Variants in DNM2 observed in about 807,000 individuals in gnomAD.
DNM2 encodes the protein dynamin-2.
In DNM2, 15 loss-of-function variants were observed where a neutral mutation model predicts 99.0. That is an observed-to-expected ratio of 0.15 (90% CI 0.10 to 0.23). The LOEUF (loss-of-function observed/expected upper bound fraction) is 0.23. Among genes scored for constraint, DNM2 ranks in the 10% least tolerant of loss-of-function variants. DNM2 has a pLI of 1.00. For synonymous variants in DNM2, 525 were observed against 481.2 expected (o/e 1.09, Z -1.19); for missense variants, 742 against 1,189.4 (o/e 0.62, Z 5.53).
chr19:10,786,385 G>A (rs1024710004), intron 6 of DNM2, 179 bp from the exon 7 acceptor site: 26 of 1,055,300 alleles, frequency 2.5e-5, no homozygotes, highest in Non-Finnish European at 2.8e-5. Context: ...TGCCGTCTCC[G>A]TTCCCAGACA....
Position 10,817,652 on chromosome 19 carries a change from G to A in DNM2, c.1672-2328G>A, listed in dbSNP as rs1031517446. ...GACGTGGCAAGGCTGGGGCCGGCTC[G>A]CATCTGGAGAAAGTTCTGGGTTTTC... On this transcript the variant is annotated intron_variant, in intron 15 of 20. Coordinates refer to ENST00000389253, the MANE Select transcript of DNM2 (RefSeq NM_001005361.3). This position sits in a 1 kb window ranked among gnomAD's most constrained non-coding sequence, Gnocchi z 4.6. Among the ~76,000 whole-genome samples, 7 of 151,796 alleles carry A rather than the reference G, an allele frequency of 4.6e-5. No individual in the cohort carries two copies. The highest frequency in any genetic ancestry group is 1.5e-4 in the African/African-American group (6 of 41,304).
chr19:10,770,206 G>T (rs144745803), intron 2 of DNM2, among the ~76,000 whole-genome samples: 18 of 152,314 alleles, frequency 1.2e-4, no homozygotes, highest in African/African-American at 4.3e-4. Flanking sequence ...ACCTGGCTGG[G>T]TGTTCATCTC....
At chr19:10,828,665 G>A (rs2073230404) in intron 18 of DNM2, among the ~76,000 whole-genome samples, 1 of 152,014 alleles carries the variant, frequency 6.6e-6, no homozygotes, top group African/African-American at 2.4e-5. Flanking sequence ...GCTAAAACAG[G>A]AGAAAAGACA....
intron 1 of DNM2, among the ~76,000 whole-genome samples, chr19:10,724,557 C>T (rs945489814): frequency 3.9e-5 from 6 of 152,258 alleles, no homozygotes; most frequent in South Asian, 2.1e-4. Context: ...CCCCTGGAGA[C>T]GGGAAGAGAA....
Position 10,808,658 on chromosome 19 carries a change from C to T in DNM2, c.1557+78C>T, listed in dbSNP as rs1261041798. ...AGACCCCGCCCACCCCTAATATTCC[C>T]TGTTCCCCATCCCCTCCAAATAACA... On this transcript the variant is annotated intron_variant, in intron 14 of 20. Transcript: ENST00000389253. 2.0e-6 allele frequency: 3 copies of T among 1,505,388 alleles called. No homozygotes were observed. In the Admixed American group the frequency reaches 5.7e-5, roughly 29 times the overall value. The allele number at this position is 1,505,388 out of a possible 1,614,324, so 93.3% of individuals were successfully genotyped here.
At position 10,812,347 on chromosome 19, in the gene DNM2, C is replaced by T. The variant is rs538253489; in HGVS notation, c.1641C>T (p.Ala547=). The T allele has an allele frequency of 1.2e-5, 20 of 1,610,016 alleles. No individual in the cohort carries two copies. Among genetic ancestry groups the T allele is most frequent in the Middle Eastern group, 1.7e-4 (1 of 6,056 alleles). The change falls in exon 15 of 21, where the codon GCC becomes GCT. Residue 547 remains alanine (A), a synonymous_variant. Coordinates refer to ENST00000389253, the MANE Select transcript of DNM2 (RefSeq NM_001005361.3). The surrounding 1 kb of genome is among the most constrained non-coding windows in gnomAD (Gnocchi z 4.0). ...GSKEYWFVLT[A]ESLSWYKDEE... ...AGGAGTACTGGTTTGTGCTGACTGC[C>T]GAGTCACTGTCCTGGTACAAGGATG...
chr19:10,808,524 G>A (rs759293798), intron 13 of DNM2, 45 bp from the exon 14 acceptor site: 19 of 1,605,412 alleles, frequency 1.2e-5, no homozygotes, highest in Non-Finnish European at 1.5e-5. Flanking sequence ...TCCTTTGCCT[G>A]CTCTTCCCTG....
In DNM2 at chr19:10,773,930, A is replaced by G. The variant is rs571378344; in HGVS notation, c.385+1302A>G. Among the ~76,000 whole-genome samples, 5 of 151,894 alleles carry G rather than the reference A, an allele frequency of 3.3e-5. No individual in the cohort carries two copies. In the East Asian group the frequency reaches 7.7e-4, roughly 24 times the overall value. On this transcript the variant is annotated intron_variant, in intron 3 of 20. Coordinates refer to ENST00000389253, the MANE Select transcript of DNM2 (RefSeq NM_001005361.3). Reference sequence around the variant, plus strand: ...CCCAGCCAAATATCCTGATTTTAAAACTCTGCATTCAAACAGCAGCCCGGG... The same window carrying G: ...CCCAGCCAAATATCCTGATTTTAAAGCTCTGCATTCAAACAGCAGCCCGGG...
At chr19:10,723,500 T>C (rs1568261948) in intron 1 of DNM2, among the ~76,000 whole-genome samples, 1 of 152,146 alleles carries the variant, frequency 6.6e-6, no homozygotes, top group African/African-American at 2.4e-5. Context: ...ACTCCTGACC[T>C]CAAGTGATCT....
intron 11 of DNM2, among the ~76,000 whole-genome samples, chr19:10,801,670 G>T (rs1363662514): frequency 6.6e-6 from 1 of 150,942 alleles, no homozygotes; most frequent in East Asian, 1.9e-4. Flanking sequence ...ACTTTGAGAG[G>T]CCGAGGCGGG....
chr19:10,808,911 A>C (rs1361698005), intron 14 of DNM2: 3 of 308,612 alleles, frequency 9.7e-6, no homozygotes, highest in Non-Finnish European at 1.8e-5. Flanking sequence ...GCTGTGGAAG[A>C]TCTCGCTTAA....
chr19:10,792,973 A>T (rs886675446), intron 7 of DNM2, among the ~76,000 whole-genome samples: 5 of 152,088 alleles, frequency 3.3e-5, no homozygotes, highest in Non-Finnish European at 5.9e-5. Flanking sequence ...GAACTCCCAG[A>T]CTAAAGCCAT....
At chr19:10,754,500 C>G (rs1464388637) in intron 1 of DNM2, among the ~76,000 whole-genome samples, 1 of 152,134 alleles carries the variant, frequency 6.6e-6, no homozygotes, top group Non-Finnish European at 1.5e-5. Flanking sequence ...ATCTGCCCGC[C>G]TCAGCCTCCC....
rs1477458903 is a variant in DNM2, at chr19:10,786,602, A to G, written c.888A>G (p.Leu296=). 6 of 1,614,032 alleles carry G rather than the reference A, an allele frequency of 3.7e-6. No homozygotes were observed. Among genetic ancestry groups the G allele is most frequent in the Admixed American group, 1.7e-5 (1 of 59,984 alleles). The change falls in exon 7 of 21, where the codon CTA becomes CTG. Residue 296 remains leucine (L), a synonymous_variant. Coordinates refer to ENST00000389253, the MANE Select transcript of DNM2 (RefSeq NM_001005361.3). ...TNHIRESLPA[L]RSKLQSQLLS... The stretch of plus-strand genomic sequence containing the variant: ...ACATCCGGGAGTCGCTGCCGGCCCT[A>G]CGTAGCAAACTACAGAGCCAGCTGC...
chr19:10,805,480 C>T (rs183257982), intron 12 of DNM2, among the ~76,000 whole-genome samples: 1 of 152,094 alleles, frequency 6.6e-6, no homozygotes, highest in African/African-American at 2.4e-5. Context: ...TACAAAAAAT[C>T]AAAAATTAGC....
chr19:10,807,592 A>T, intron 13 of DNM2, among the ~76,000 whole-genome samples: 1 of 121,468 alleles, frequency 8.2e-6, no homozygotes, highest in African/African-American at 3.2e-5. Context: ...TCTGCCACCA[A>T]GGCTGGAGTG....
chr19:10,769,641 T>C (rs559320289), intron 2 of DNM2, among the ~76,000 whole-genome samples: 1 of 152,232 alleles, frequency 6.6e-6, no homozygotes, highest in East Asian at 1.9e-4. Flanking sequence ...GGTTGGGAGC[T>C]GTTCCATTTT....
In DNM2 at chr19:10,823,720, C is replaced by A. The variant is rs1038996453; in HGVS notation, c.1782-68C>A. The A allele has an allele frequency of 1.4e-5, 21 of 1,503,436 alleles. No homozygotes were observed. The Admixed American group carries it at 3.3e-4, about 24-fold the overall frequency. 93.1% of individuals were successfully genotyped at this position (1,503,436 alleles called of 1,614,324 possible). A position where few individuals can be genotyped will look rare whatever the true frequency, so the allele number is the denominator to read the frequency against. Reference sequence around the variant, plus strand: ...GTCAGAAAGACCCCTAGAGCCCATTCCTCTCGGCAGTCTGCCAGACCCATG... The same window carrying A: ...GTCAGAAAGACCCCTAGAGCCCATTACTCTCGGCAGTCTGCCAGACCCATG... On this transcript the variant is annotated intron_variant, in intron 16 of 20. Coordinates refer to ENST00000389253, the MANE Select transcript of DNM2 (RefSeq NM_001005361.3).
intron 7 of DNM2, among the ~76,000 whole-genome samples, chr19:10,790,399 C>A (rs2071711814): frequency 6.6e-6 from 1 of 152,086 alleles, no homozygotes. Context: ...GCAGAGGGAT[C>A]TTGGGTTAAG....
Sources: allele counts gnomAD v4.1 joint callset (sites outside exome capture counted in the v4.1 genomes callset), GRCh38; gene constraint gnomAD v4.1.1; non-coding constraint Gnocchi (gnomAD v3.1); transcripts MANE v1.5; gene names NCBI Gene and HGNC (gene_info 2026-07-23, HGNC 2026-07-21).